SLC23A2: variants seen among roughly 807,000 people sequenced by gnomAD.
The protein encoded by SLC23A2 is solute carrier family 23 member 2.
A neutral mutation model predicts 73.3 loss-of-function variants in SLC23A2; 36 were observed. That is an observed-to-expected ratio of 0.49 (90% CI 0.38 to 0.65). The LOEUF is 0.65. Among genes scored for constraint, SLC23A2 ranks in the 30% least tolerant of loss-of-function variants. The pLI, the probability that SLC23A2 is intolerant of heterozygous loss-of-function variation, is 0.00. For synonymous variants in SLC23A2, 343 were observed against 327.3 expected (o/e 1.05, Z -0.52); for missense variants, 507 against 841.6 (o/e 0.60, Z 4.92).
At chr20:4,984,378 C>G (rs906068056) in intron 1 of SLC23A2, among the ~76,000 whole-genome samples, 2 of 152,010 alleles carry the variant, frequency 1.3e-5, no homozygotes, top group Non-Finnish European at 2.9e-5. Context: ...CACAGTGAAA[C>G]CCCATCTCTA....
chr20:4,998,986 G>T lies in SLC23A2; in HGVS notation c.-282+2420C>A, dbSNP rs1378632508. The stretch of plus-strand genomic sequence containing the variant: ...TGCCCGGCTAACTTTTGTATTTTTA[G>T]TAGAGACGAGGTTTCACCATGGTGG... On this transcript the variant is annotated intron_variant, in intron 1 of 16. Coordinates refer to ENST00000338244, the MANE Select transcript of SLC23A2 (RefSeq NM_005116.6). This position sits in a 1 kb window ranked among gnomAD's most constrained non-coding sequence, Gnocchi z 4.1. Among the ~76,000 whole-genome samples the T allele has an allele frequency of 6.6e-6, 1 of 151,912 alleles. No homozygotes were observed. The highest frequency in any genetic ancestry group is 2.1e-4 in the South Asian group (1 of 4,820).
At chr20:4,958,937 G>A (rs574314956) in intron 2 of SLC23A2, among the ~76,000 whole-genome samples, 60 of 152,206 alleles carry the variant, frequency 3.9e-4, no homozygotes, top group Admixed American at 1.4e-3. Flanking sequence ...AGGGCCAGGT[G>A]TGGTGGCTCA....
intron 4 of SLC23A2, among the ~76,000 whole-genome samples, chr20:4,905,113 CAAAAAAA>C (rs56708379): frequency 1.0e-5 from 1 of 96,762 alleles, no homozygotes; most frequent in Admixed American, 1.2e-4. Flanking sequence ...GATTCTGTCA[CAAAAAAA>C]AAAAAAAAAA....
chr20:4,897,709 C>T (rs1931596541), intron 6 of SLC23A2, among the ~76,000 whole-genome samples: 3 of 152,154 alleles, frequency 2.0e-5, no homozygotes. Flanking sequence ...ACCCCAAGTT[C>T]CCCCAGGCCC....
At chr20:4,943,912 G>A (rs555222886) in intron 2 of SLC23A2, among the ~76,000 whole-genome samples, 1 of 152,224 alleles carries the variant, frequency 6.6e-6, no homozygotes, top group Admixed American at 6.5e-5. Context: ...CGTTAAAGCA[G>A]CCAGACACGA....
At chr20:4,983,553 G>A (rs2087764994) in intron 1 of SLC23A2, among the ~76,000 whole-genome samples, 1 of 151,720 alleles carries the variant, frequency 6.6e-6, no homozygotes, top group Non-Finnish European at 1.5e-5. Context: ...GGCTGAGGCA[G>A]GAGAATGGTG....
In SLC23A2 at chr20:4,937,725, C is replaced by A. The variant is rs544055772; in HGVS notation, c.-154-5009G>T. On this transcript the variant is annotated intron_variant, in intron 2 of 16. Transcript: ENST00000338244. Reference sequence around the variant, plus strand: ...TACACTGTTTATACAAGACATAAAACTGCCCTTTAAATGCTCAGCTTACAG... The same window carrying A: ...TACACTGTTTATACAAGACATAAAAATGCCCTTTAAATGCTCAGCTTACAG... 2.6e-5 allele frequency among the ~76,000 whole-genome samples: 4 copies of A among 152,300 alleles called. No homozygotes were observed. In the East Asian group the frequency reaches 7.7e-4, roughly 29 times the overall value.
Position 4,919,415 on chromosome 20 carries a change from G to A in SLC23A2, c.109-6437C>T, listed in dbSNP as rs983159405. Among the ~76,000 whole-genome samples the A allele has an allele frequency of 5.3e-5, 8 of 152,274 alleles. No homozygotes were observed. The South Asian group carries it at 6.2e-4, about 12-fold the overall frequency. On this transcript the variant is annotated intron_variant, in intron 3 of 16. Transcript: ENST00000338244. ...AGGCTGTGGCAGCCAGAAGCACCCC[G>A]GGGATTCCAGCTGCATCTCACCTGT...
At chr20:4,879,950 G>A (rs879266872) in intron 9 of SLC23A2, among the ~76,000 whole-genome samples, 5 of 152,208 alleles carry the variant, frequency 3.3e-5, no homozygotes, top group Non-Finnish European at 5.9e-5. Context: ...AGTCTTTTGC[G>A]CATTTGCATT....
chr20:4,924,015 G>A (rs1325989069), intron 3 of SLC23A2, among the ~76,000 whole-genome samples: 2 of 152,174 alleles, frequency 1.3e-5, no homozygotes, highest in African/African-American at 4.8e-5. Flanking sequence ...AAAGGAGCAT[G>A]GGTCCCTGAT....
chr20:4,947,407 G>A lies in SLC23A2; in HGVS notation c.-154-14691C>T, dbSNP rs930980605. 6.6e-6 allele frequency among the ~76,000 whole-genome samples: 1 copy of A among 152,134 alleles called. No individual in the cohort carries two copies. The highest frequency in any genetic ancestry group is 2.4e-5 in the African/African-American group (1 of 41,426). On this transcript the variant is annotated intron_variant, in intron 2 of 16. Transcript: ENST00000338244. The surrounding 1 kb of genome is among the most constrained non-coding windows in gnomAD (Gnocchi z 4.4). ...GTTTTATTGCATTTATTTCTACTAC[G>A]TGATTTAACACATCACTTTTTGCAC... is the stretch of plus-strand genomic sequence containing the variant.
upstream of SLC23A2, among the ~76,000 whole-genome samples, chr20:5,002,874 C>T (rs1445432582): frequency 6.6e-6 from 1 of 152,132 alleles, no homozygotes; most frequent in Non-Finnish European, 1.5e-5. Flanking sequence ...ATGACAGGAC[C>T]ACACCACCAG....
intron 1 of SLC23A2, among the ~76,000 whole-genome samples, chr20:4,984,685 T>C (rs945564125): frequency 6.6e-6 from 1 of 152,104 alleles, no homozygotes; most frequent in East Asian, 1.9e-4. Flanking sequence ...CATCAGTCAC[T>C]AGGGAAATGC....
At chr20:4,977,592 G>T (rs1378498111) in intron 1 of SLC23A2, among the ~76,000 whole-genome samples, 1 of 151,718 alleles carries the variant, frequency 6.6e-6, no homozygotes, top group Non-Finnish European at 1.5e-5. Context: ...CAGCTACTGG[G>T]GAGGCTGAGG....
intron 2 of SLC23A2, among the ~76,000 whole-genome samples, chr20:4,961,318 A>G (rs189708561): frequency 1.1e-3 from 168 of 151,970 alleles, no homozygotes; most frequent in African/African-American, 2.6e-3. Flanking sequence ...CCCTGACCTC[A>G]TGATCCGCCC....
At chr20:4,944,932 T>C (rs544890422) in intron 2 of SLC23A2, among the ~76,000 whole-genome samples, 2 of 152,136 alleles carry the variant, frequency 1.3e-5, no homozygotes, top group African/African-American at 4.8e-5. Flanking sequence ...CAGAAAAGAC[T>C]GTTGGAACAT....
upstream of SLC23A2, among the ~76,000 whole-genome samples, chr20:5,005,037 A>AAATAAATT (rs752842970): frequency 1.3e-5 from 2 of 150,850 alleles, no homozygotes; most frequent in Non-Finnish European, 3.0e-5. Context: ...ATAAATAAAT[A>AAATAAATT]AAAATTTAAT....
intron 8 of SLC23A2, among the ~76,000 whole-genome samples, chr20:4,884,300 C>G (rs4987219): frequency 0.49 from 74,401 of 152,092 alleles, 20,932 homozygotes; most frequent in African/African-American, 0.79. Flanking sequence ...TTATCTCACA[C>G]GTTTTGGAAA....
At chr20:4,891,939 A>G (rs1931345868) in intron 6 of SLC23A2, among the ~76,000 whole-genome samples, 4 of 151,506 alleles carry the variant, frequency 2.6e-5, no homozygotes, top group African/African-American at 7.3e-5. Flanking sequence ...GTTTTTGTAG[A>G]GACAAGGTCT....
Sources: gnomAD v4.1 joint callset for allele counts (sites outside exome capture counted in the v4.1 genomes callset) on GRCh38, gnomAD v4.1.1 for gene constraint, Gnocchi (gnomAD v3.1) non-coding constraint, MANE v1.5 for transcripts, NCBI Gene and HGNC (gene_info 2026-07-23, HGNC 2026-07-21) for gene names.